PARD3B: variants seen among roughly 807,000 people sequenced by gnomAD.
The protein encoded by PARD3B is par-3 family cell polarity regulator beta, also known as partitioning defective 3 homolog B.
In PARD3B, 103 loss-of-function variants were observed where a neutral mutation model predicts 130.2. The ratio of observed to expected loss-of-function variants is 0.79; its 90% CI spans 0.67 to 0.93. The LOEUF (loss-of-function observed/expected upper bound fraction) is 0.93. PARD3B is among the 40% of genes least tolerant of loss of function. PARD3B has a pLI of 0.00. For missense variants in PARD3B, 1,609 were observed against 1,499.2 expected, an observed-to-expected ratio of 1.07 and a Z score of -1.21; for synonymous variants, 583 against 553.2, an observed-to-expected ratio of 1.05 and a Z score of -0.76.
rs557426031 is a variant in PARD3B, at chr2:204,983,941, A to G, written c.394+18618A>G. Among the ~76,000 whole-genome samples the G allele has an allele frequency of 6.3e-4, 96 of 152,136 alleles. 1 individual carries two copies. In the South Asian group the frequency reaches 0.018, roughly 29 times the overall value. ...CATATAAAACTTGTATTGAAGTTGT[A>G]TGTCAGTACCCGTCCCCTCCTCTGT... On this transcript the variant is annotated intron_variant, in intron 3 of 22. Coordinates refer to ENST00000406610, the MANE Select transcript of PARD3B (RefSeq NM_001302769.2).
chr2:205,522,143 ATTATTTTTACATTTATTTTTAC>A (rs1217234770), intron 21 of PARD3B, among the ~76,000 whole-genome samples: 2 of 150,462 alleles, frequency 1.3e-5, no homozygotes, highest in Non-Finnish European at 3.0e-5. Flanking sequence ...TTTTTACTTC[ATTATTTTTACATTTATTTTTAC>A]TTAATTATTG....
rs192182920 is a variant in PARD3B, at chr2:205,097,477, G to A, written c.505-6949G>A. 2.7e-3 allele frequency among the ~76,000 whole-genome samples: 417 copies of A among 152,132 alleles called. 2 individuals carry two copies. The highest frequency in any genetic ancestry group is 8.5e-3 in the African/African-American group (353 of 41,516). On this transcript the variant is annotated intron_variant, in intron 4 of 22. Transcript: ENST00000406610. The stretch of plus-strand genomic sequence containing the variant: ...TTCACTCATCAACACCATCCTTCCC[G>A]GCTTAGTTAATAATTTTTAGGATTT...
At chr2:205,126,180 A>G (rs896732615) in intron 10 of PARD3B, among the ~76,000 whole-genome samples, 6 of 152,342 alleles carry the variant, frequency 3.9e-5, no homozygotes, top group East Asian at 1.9e-4. Context: ...CCATGATAAC[A>G]TAGAACAAGG....
chr2:204,952,996 CAAA>C (rs5837946), intron 2 of PARD3B, among the ~76,000 whole-genome samples: 2 of 103,560 alleles, frequency 1.9e-5, no homozygotes, highest in African/African-American at 3.6e-5. Context: ...GACTCAGTCT[CAAA>C]AAAAAAAAAA....
At chr2:205,474,720 T>G (rs746462887) in intron 20 of PARD3B, among the ~76,000 whole-genome samples, 8 of 152,152 alleles carry the variant, frequency 5.3e-5, no homozygotes, top group South Asian at 2.1e-4. Flanking sequence ...CCAACAATTT[T>G]CTTGAAAAAT....
At chr2:205,442,579 G>T (rs2047757907) in intron 20 of PARD3B, among the ~76,000 whole-genome samples, 1 of 152,094 alleles carries the variant, frequency 6.6e-6, no homozygotes, top group Non-Finnish European at 1.5e-5. Flanking sequence ...GGGATTTGAG[G>T]CATAAGCCGC....
intron 19 of PARD3B, among the ~76,000 whole-genome samples, chr2:205,417,339 T>C (rs1263184596): frequency 6.6e-6 from 1 of 152,108 alleles, no homozygotes; most frequent in African/African-American, 2.4e-5. Context: ...TTGATGGACA[T>C]TTGGGTTGGT....
chr2:204,858,792 A>C (rs902134463), intron 2 of PARD3B, among the ~76,000 whole-genome samples: 1 of 148,348 alleles, frequency 6.7e-6, no homozygotes, highest in African/African-American at 2.4e-5. Context: ...AATATATAAA[A>C]AATATAGTAA....
chr2:205,135,984 G>A (rs762276801), intron 10 of PARD3B, among the ~76,000 whole-genome samples: 1 of 152,068 alleles, frequency 6.6e-6, no homozygotes, highest in African/African-American at 2.4e-5. Context: ...ATATTGTTAT[G>A]TCTCTTTAAG....
rs995266274 is a variant in PARD3B at position 205,421,028 on chromosome 2, C to A, written c.2742-19342C>A. 3.3e-5 allele frequency among the ~76,000 whole-genome samples: 5 copies of A among 152,096 alleles called. No individual in the cohort carries two copies. The highest frequency in any genetic ancestry group is 1.2e-4 in the African/African-American group (5 of 41,380). ...TGGTGGGGCGTGCCCATAGTCCCAG[C>A]TACTCGGGGGGCCAAGGCAGGAGAA... is the stretch of plus-strand genomic sequence containing the variant. On this transcript the variant is annotated intron_variant, in intron 19 of 22. Transcript: ENST00000406610. The surrounding 1 kb of genome is among the most constrained non-coding windows in gnomAD (Gnocchi z 5.1).
chr2:205,420,252 C>T (rs192446467), intron 19 of PARD3B, among the ~76,000 whole-genome samples: 1 of 152,170 alleles, frequency 6.6e-6, no homozygotes, highest in Admixed American at 6.5e-5. Flanking sequence ...TCTCATCTCC[C>T]CTGTCTCAGA....
chr2:205,426,432 TAGCC>T (rs988867812), intron 19 of PARD3B, among the ~76,000 whole-genome samples: 1 of 152,224 alleles, frequency 6.6e-6, no homozygotes, highest in Non-Finnish European at 1.5e-5. Context: ...GCAGAAATGA[TAGCC>T]AGACAAATTA....
Position 205,121,070 on chromosome 2 carries a change from G to C in PARD3B, c.807-521G>C, listed in dbSNP as rs2030650880. On this transcript the variant is annotated intron_variant, in intron 7 of 22. Coordinates refer to ENST00000406610, the MANE Select transcript of PARD3B (RefSeq NM_001302769.2). This position sits in a 1 kb window ranked among gnomAD's most constrained non-coding sequence, Gnocchi z 5.0. ...GCACAGCCAAAGCACCTGCCAAAAT[G>C]TCTCCATGAGCAAACATGGATGTCA... Among the ~76,000 whole-genome samples the C allele has an allele frequency of 6.6e-6, 1 of 152,190 alleles. No homozygotes were observed. The highest frequency in any genetic ancestry group is 1.5e-5 in the Non-Finnish European group (1 of 68,028).
intron 4 of PARD3B, among the ~76,000 whole-genome samples, chr2:205,057,293 A>G (rs1407906036): frequency 6.7e-6 from 1 of 149,176 alleles, no homozygotes; most frequent in Non-Finnish European, 1.5e-5. Context: ...ATATACATAT[A>G]TACATGTATG....
In PARD3B at chr2:205,593,723, C is replaced by T. The variant is rs76450017; in HGVS notation, c.3261-21733C>T. Among the ~76,000 whole-genome samples, 41 of 152,262 alleles carry T rather than the reference C, an allele frequency of 2.7e-4. No individual in the cohort carries two copies. The South Asian group carries it at 4.6e-3, about 17-fold the overall frequency. ...ACCCTTAAACTGAGGTCCAGTATTA[C>T]GGTGGCGAGAGGTGGGGTAGAAATG... On this transcript the variant is annotated intron_variant, in intron 22 of 22. Transcript: ENST00000406610.
At position 205,476,616 on chromosome 2, in the gene PARD3B, TTTTG is replaced by T. The variant is rs757351360; in HGVS notation, c.3045-23272_3045-23269del. Among the ~76,000 whole-genome samples the T allele has an allele frequency of 3.4e-4, 51 of 152,022 alleles. No homozygotes were observed. In the East Asian group the frequency reaches 6.8e-3, roughly 20 times the overall value. On this transcript the variant is annotated intron_variant, in intron 20 of 22. Transcript: ENST00000406610. ...CCTGTGGCCCTTTGTTTTCTGGGTTTTTTGTTTGTTTTTTTGTTTGTTTGTTTGT... is the reference window on the plus strand; with the variant it reads ...CCTGTGGCCCTTTGTTTTCTGGGTTTTTTGTTTTTTTGTTTGTTTGTTTGT...
rs115490230 is a variant in PARD3B at position 205,104,434 on chromosome 2, G to T, written c.513G>T (p.Thr171=). ...ACTTTGTTTCACTATAGGATTCCAC[G>T]CAGAACTTGGAAGACAGAGAAGTTT... The part of the protein sequence containing the change: ...QSLKLVVPDS[T]QNLEDREVLN... Residue 171 remains threonine (T), a synonymous_variant, in exon 5 of 23, where the codon ACG becomes ACT. Coordinates refer to ENST00000406610, the MANE Select transcript of PARD3B (RefSeq NM_001302769.2). 1.9e-6 allele frequency: 3 copies of T among 1,596,264 alleles called. No individual in the cohort carries two copies. The highest frequency in any genetic ancestry group is 2.6e-6 in the Non-Finnish European group (3 of 1,164,130).
intron 2 of PARD3B, among the ~76,000 whole-genome samples, chr2:204,795,623 A>G (rs1484525054): frequency 6.6e-6 from 1 of 152,200 alleles, no homozygotes; most frequent in African/African-American, 2.4e-5. Flanking sequence ...GGACATTCTA[A>G]AGAAATTTCC....
intron 2 of PARD3B, among the ~76,000 whole-genome samples, chr2:204,776,178 T>C (rs576485038): frequency 6.6e-6 from 1 of 152,298 alleles, no homozygotes; most frequent in South Asian, 2.1e-4. Flanking sequence ...CTTGAGAAAT[T>C]TTGCTGAAAT....
Sources: gnomAD v4.1 joint callset for allele counts (sites outside exome capture counted in the v4.1 genomes callset) on GRCh38, gnomAD v4.1.1 for gene constraint, Gnocchi (gnomAD v3.1) non-coding constraint, MANE v1.5 for transcripts, NCBI Gene and HGNC (gene_info 2026-07-23, HGNC 2026-07-21) for gene names.